BAZ1A: variants seen among roughly 807,000 people sequenced by gnomAD.
BAZ1A encodes the protein bromodomain adjacent to zinc finger domain 1A, also known as bromodomain adjacent to zinc finger domain protein 1A.
Under a neutral mutation model 185.2 loss-of-function variants are expected in BAZ1A, and 50 were observed. The observed-to-expected ratio is 0.27, with a 90% CI of 0.22 to 0.34. The LOEUF (loss-of-function observed/expected upper bound fraction) is 0.34. Among genes scored for constraint, BAZ1A ranks in the 10% least tolerant of loss-of-function variants. BAZ1A has a pLI of 1.00. For missense variants in BAZ1A, 1,356 were observed against 1,839.9 expected, an observed-to-expected ratio of 0.74 and a Z score of 4.81; for synonymous variants, 571 against 615.6, an observed-to-expected ratio of 0.93 and a Z score of 1.07.
Position 34,832,373 on chromosome 14 carries a change from T to C in BAZ1A, c.393-6217A>G, listed in dbSNP as rs572865069. 9.9e-4 allele frequency among the ~76,000 whole-genome samples: 150 copies of C among 151,078 alleles called. 1 individual carries two copies. The highest frequency in any genetic ancestry group is 3.2e-3 in the African/African-American group (133 of 41,266). On this transcript the variant is annotated intron_variant, in intron 3 of 26. Transcript: ENST00000360310. ...CTAAAGAAGAGGGAATGCTTCCTAA[T>C]TCATTCTATAAGGCCAGAATTACCC...
chr14:34,840,574 C>T (rs1410471690), intron 3 of BAZ1A, among the ~76,000 whole-genome samples: 3 of 152,026 alleles, frequency 2.0e-5, no homozygotes, highest in South Asian at 2.1e-4. Context: ...GCCTGACCAG[C>T]GTGGTGAAAT....
Position 34,786,213 on chromosome 14 carries a change from C to T in BAZ1A, c.1519G>A (p.Glu507Lys). 1.2e-6 allele frequency: 2 copies of T among 1,610,268 alleles called. No homozygotes were observed. The stretch of plus-strand genomic sequence containing the variant: ...GGGTCTGCATCTTCATCCAAAGCCT[C>T]TGTTAAATCTTTAAGGAAATAAATA... ...LTDADTKDLTEALDEDADPTK... is the reference protein window; with the variant it reads ...LTDADTKDLTKALDEDADPTK... The change falls in exon 13 of 27, where the codon GAG (glutamate) becomes AAG (lysine). Residue 507 changes from glutamate to lysine, a missense_variant. Physicochemically the swap from Glu to Lys is moderately conservative, Grantham distance 56. This residue lies in a region of BAZ1A where 184 missense variants were observed against 355.1 expected (regional missense o/e 0.52). Coordinates refer to ENST00000360310, the MANE Select transcript of BAZ1A (RefSeq NM_013448.3).
chr14:34,767,458 G>A (rs1439582859), intron 21 of BAZ1A, among the ~76,000 whole-genome samples: 1 of 152,150 alleles, frequency 6.6e-6, no homozygotes, highest in Non-Finnish European at 1.5e-5. Context: ...GCCGAGGCAG[G>A]AGAATTGCTT....
intron 2 of BAZ1A, among the ~76,000 whole-genome samples, chr14:34,870,981 T>C (rs868868567): frequency 6.6e-6 from 1 of 152,216 alleles, no homozygotes; most frequent in African/African-American, 2.4e-5. Context: ...GTTAGTGATG[T>C]TGTGGAAGAG....
At chr14:34,815,700 A>G (rs2041995453) in intron 4 of BAZ1A, among the ~76,000 whole-genome samples, 1 of 152,208 alleles carries the variant, frequency 6.6e-6, no homozygotes, top group African/African-American at 2.4e-5. Context: ...ACATTTGACA[A>G]TAAAGTTATA....
In BAZ1A at chr14:34,776,507, C is replaced by G; in HGVS notation, c.2245G>C (p.Gly749Arg). Residue 749 changes from glycine to arginine, a missense_variant, in exon 18 of 27, where the codon GGA (glycine) becomes CGA (arginine). Transcript: ENST00000360310. The stretch of plus-strand genomic sequence containing the variant: ...GTAAATTCTTTAAATCCATTTTGTC[C>G]TCTTTTCCCTGTAATTAAAATAAAA... The part of the protein sequence containing the change: ...SHKRGRRGKR[G>R]QNGFKEFTRQ... 1 of 1,570,800 alleles carries G rather than the reference C, an allele frequency of 6.4e-7. No individual in the cohort carries two copies. The highest frequency in any genetic ancestry group is 1.2e-5 in the South Asian group (1 of 84,316).
At chr14:34,784,908 G>A (rs1012423967) in intron 14 of BAZ1A, among the ~76,000 whole-genome samples, 1 of 152,108 alleles carries the variant, frequency 6.6e-6, no homozygotes, top group African/African-American at 2.4e-5. Context: ...CCAGGCTGGA[G>A]TACAGTGGCA....
intron 3 of BAZ1A, among the ~76,000 whole-genome samples, chr14:34,838,207 A>G (rs1566589314): frequency 6.6e-6 from 1 of 152,228 alleles, no homozygotes; most frequent in Non-Finnish European, 1.5e-5. Flanking sequence ...ATATGCATCC[A>G]AGGCAAATCC....
At chr14:34,773,823 A>G in intron 19 of BAZ1A, 97 bp from the exon 20 acceptor site, 1 of 1,227,322 alleles carries the variant, frequency 8.1e-7, no homozygotes, top group South Asian at 1.4e-5. Flanking sequence ...ATTCATGGAT[A>G]TTTTAGAAAT....
intron 3 of BAZ1A, among the ~76,000 whole-genome samples, chr14:34,841,466 C>A (rs188875429): frequency 1.3e-5 from 2 of 152,190 alleles, no homozygotes; most frequent in East Asian, 3.9e-4. Context: ...TCTTGGCTCA[C>A]TTGCAACCTC....
rs1370370225 is a variant in BAZ1A at position 34,875,282 on chromosome 14, G to A, written c.-203C>T. The A allele has an allele frequency of 8.8e-6, 4 of 455,340 alleles. No individual in the cohort carries two copies. Among genetic ancestry groups the A allele is most frequent in the African/African-American group, 2.0e-5 (1 of 49,996 alleles). The allele number at this position is 455,340 out of a possible 1,614,324, so 28.2% of individuals were successfully genotyped here. On this transcript the variant is annotated 5_prime_UTR_variant, in exon 1 of 27. Transcript: ENST00000360310. ...TCCCGCTGCCACTGCCCGACTCCGC[G>A]CGGGGAATTGCGTCCCACCGCCACT...
intron 16 of BAZ1A, among the ~76,000 whole-genome samples, chr14:34,781,947 G>T (rs1032249677): frequency 6.6e-6 from 1 of 152,120 alleles, no homozygotes; most frequent in African/African-American, 2.4e-5. Flanking sequence ...TCAATTGATG[G>T]ACATTTGGGT....
In BAZ1A at chr14:34,850,531, C is replaced by T. The variant is rs758120162; in HGVS notation, c.392+11513G>A. On this transcript the variant is annotated intron_variant, in intron 3 of 26. Coordinates refer to ENST00000360310, the MANE Select transcript of BAZ1A (RefSeq NM_013448.3). Reference sequence around the variant, plus strand: ...CAGAGGTAAAGCACATGGATGAACACTGTGGCAGTTACTTTCCTATCCAGT... The same window carrying T: ...CAGAGGTAAAGCACATGGATGAACATTGTGGCAGTTACTTTCCTATCCAGT... Among the ~76,000 whole-genome samples, 53 of 152,214 alleles carry T rather than the reference C, an allele frequency of 3.5e-4. 1 individual carries two copies. The highest frequency in any genetic ancestry group is 5.6e-4 in the Non-Finnish European group (38 of 68,034).
chr14:34,785,286 TAA>T (rs1880367907), intron 14 of BAZ1A, among the ~76,000 whole-genome samples: 1 of 152,208 alleles, frequency 6.6e-6, no homozygotes, highest in Non-Finnish European at 1.5e-5. Context: ...CCATAAATTA[TAA>T]AGACTGCAAA....
At chr14:34,778,459 G>C (rs996163071) in intron 17 of BAZ1A, among the ~76,000 whole-genome samples, 2 of 152,204 alleles carry the variant, frequency 1.3e-5, no homozygotes, top group Admixed American at 6.5e-5. Flanking sequence ...GCTTGAAAGA[G>C]TTTGTGTAAG....
intron 3 of BAZ1A, among the ~76,000 whole-genome samples, chr14:34,853,322 G>A (rs1195749454): frequency 3.9e-5 from 6 of 152,174 alleles, no homozygotes; most frequent in African/African-American, 1.4e-4. Flanking sequence ...ACTAAATCAT[G>A]CTTTCTTTCC....
chr14:34,775,750 A>G (rs1448800736), intron 18 of BAZ1A, among the ~76,000 whole-genome samples, 169 bp downstream of exon 18: 1 of 152,240 alleles, frequency 6.6e-6, no homozygotes, highest in Admixed American at 6.5e-5. Context: ...TCTTATTTCT[A>G]TACAGAAATA....
At chr14:34,759,287 TCTC>T (rs1886421707) in intron 24 of BAZ1A, among the ~76,000 whole-genome samples, 1 of 149,924 alleles carries the variant, frequency 6.7e-6, no homozygotes, top group African/African-American at 2.5e-5. Context: ...TTCATGCCAT[TCTC>T]CTGTCTCAGC....
intron 3 of BAZ1A, among the ~76,000 whole-genome samples, chr14:34,846,547 A>G (rs563280579): frequency 1.9e-4 from 29 of 152,332 alleles, no homozygotes; most frequent in African/African-American, 6.7e-4. Context: ...CATTTACAAC[A>G]TAGCTTTATA....
Sources: allele counts gnomAD v4.1 joint callset (sites outside exome capture counted in the v4.1 genomes callset), GRCh38; gene constraint gnomAD v4.1.1; regional missense constraint gnomAD v4.1.1; transcripts MANE v1.5; gene names NCBI Gene and HGNC (gene_info 2026-07-23, HGNC 2026-07-21).